Variants in CAMTA1 observed in about 807,000 individuals in gnomAD.
The protein encoded by CAMTA1 is calmodulin-binding transcription activator 1.
CAMTA1 carries 27 observed loss-of-function variants against 170.9 expected under a neutral mutation model. The ratio of observed to expected loss-of-function variants is 0.16; its 90% CI spans 0.12 to 0.22. The LOEUF is 0.22. Ranked by LOEUF, CAMTA1 falls within the 10% of genes least tolerant of loss-of-function variation. CAMTA1 has a pLI of 1.00. For missense variants in CAMTA1, 1,619 were observed against 2,217.2 expected (o/e 0.73, Z 5.42); for synonymous variants, 833 against 891.5 (o/e 0.93, Z 1.17).
chr1:7,258,676 G>A (rs372222257), intron 5 of CAMTA1, among the ~76,000 whole-genome samples: 116 of 152,302 alleles, frequency 7.6e-4, no homozygotes, highest in African/African-American at 2.6e-3. Context: ...TTTGCCTTGG[G>A]TGAAGAGTAG....
chr1:7,396,590 G>A (rs183896074), intron 5 of CAMTA1, among the ~76,000 whole-genome samples: 2 of 152,254 alleles, frequency 1.3e-5, no homozygotes, highest in East Asian at 1.9e-4. Flanking sequence ...TAGAAGAAAA[G>A]CATTTAATTT....
At chr1:7,038,161 G>A (rs1703914878) in intron 3 of CAMTA1, among the ~76,000 whole-genome samples, 1 of 152,052 alleles carries the variant, frequency 6.6e-6, no homozygotes, top group Non-Finnish European at 1.5e-5. Context: ...GGGTGTTGCT[G>A]TTATTATTAT....
chr1:7,710,649 G>C (rs1294122763), intron 11 of CAMTA1, among the ~76,000 whole-genome samples: 3 of 147,828 alleles, frequency 2.0e-5, no homozygotes, highest in African/African-American at 7.5e-5. Flanking sequence ...AGGAAGTCCA[G>C]AATTAGTGTT....
At chr1:6,857,857 C>A (rs1371924921) in intron 3 of CAMTA1, among the ~76,000 whole-genome samples, 1 of 152,050 alleles carries the variant, frequency 6.6e-6, no homozygotes, top group Non-Finnish European at 1.5e-5. Flanking sequence ...ATGGGGAGAT[C>A]TAGGGATGTT....
At chr1:7,613,206 A>G (rs2095535253) in intron 6 of CAMTA1, among the ~76,000 whole-genome samples, 1 of 152,226 alleles carries the variant, frequency 6.6e-6, no homozygotes, top group Non-Finnish European at 1.5e-5. Context: ...TTGGCCACAC[A>G]GTTGGCAAGT....
chr1:7,638,147 C>G (rs2095729573), intron 6 of CAMTA1, among the ~76,000 whole-genome samples: 1 of 152,178 alleles, frequency 6.6e-6, no homozygotes, highest in Admixed American at 6.5e-5. Context: ...CAGTTGCAGA[C>G]CCAGCTCTCT....
chr1:6,873,900 A>G (rs901578725), intron 3 of CAMTA1, among the ~76,000 whole-genome samples: 2 of 152,336 alleles, frequency 1.3e-5, no homozygotes, highest in East Asian at 1.9e-4. Flanking sequence ...TGGACTAGCA[A>G]AGTCTCTGGA....
intron 3 of CAMTA1, among the ~76,000 whole-genome samples, chr1:6,909,574 G>T (rs1402291930): frequency 6.6e-6 from 1 of 152,218 alleles, no homozygotes; most frequent in African/African-American, 2.4e-5. Context: ...CCTCACAGGG[G>T]TTTGGCTGTA....
chr1:7,563,666 A>G (rs1370427119), intron 6 of CAMTA1, among the ~76,000 whole-genome samples: 1 of 152,230 alleles, frequency 6.6e-6, no homozygotes, highest in African/African-American at 2.4e-5. Context: ...GAGTGGTATC[A>G]GTGCTTCTGC....
chr1:7,043,376 T>TGA (rs5772261), intron 3 of CAMTA1, among the ~76,000 whole-genome samples: 82,870 of 152,028 alleles, frequency 0.55, 22,867 homozygotes, highest in African/African-American at 0.59. Flanking sequence ...TCTCTGTGTG[T>TGA]GTGTGTGTGC....
intron 4 of CAMTA1, among the ~76,000 whole-genome samples, chr1:7,184,129 C>T (rs556445937): frequency 5.9e-5 from 9 of 152,086 alleles, no homozygotes; most frequent in East Asian, 3.9e-4. Context: ...AAGCCCGGCA[C>T]GGAAAGACAA....
intron 3 of CAMTA1, among the ~76,000 whole-genome samples, chr1:6,876,000 A>AT (rs1669720548): frequency 6.6e-6 from 1 of 152,184 alleles, no homozygotes; most frequent in Non-Finnish European, 1.5e-5. Context: ...TCAGCCAACA[A>AT]TTGTTAGTAC....
chr1:7,616,979 C>T (rs1239477843), intron 6 of CAMTA1, among the ~76,000 whole-genome samples: 1 of 152,212 alleles, frequency 6.6e-6, no homozygotes, highest in Non-Finnish European at 1.5e-5. Context: ...GCACAGGTGT[C>T]ACCCGCAGGG....
intron 3 of CAMTA1, among the ~76,000 whole-genome samples, chr1:6,830,858 G>A (rs1008967864): frequency 1.7e-4 from 25 of 151,080 alleles, no homozygotes; most frequent in African/African-American, 6.1e-4. Flanking sequence ...TCACTCTGTC[G>A]CCCAGGCTGG....
intron 4 of CAMTA1, among the ~76,000 whole-genome samples, chr1:7,098,270 G>T (rs1401575006): frequency 2.0e-5 from 3 of 152,274 alleles, no homozygotes; most frequent in African/African-American, 4.8e-5. Flanking sequence ...GTCAGCAGTG[G>T]TTTCCACGTG....
chr1:6,886,443 A>G (rs2149106955), intron 3 of CAMTA1: 2 of 370,758 alleles, frequency 5.4e-6, no homozygotes, highest in East Asian at 1.4e-4. Context: ...GAAATAGGCC[A>G]TAAATGTCAC....
At position 7,300,602 on chromosome 1, in the gene CAMTA1, G is replaced by A. The variant is rs950064984; in HGVS notation, c.438+50976G>A. On this transcript the variant is annotated intron_variant, in intron 5 of 22. Coordinates refer to ENST00000303635, the MANE Select transcript of CAMTA1 (RefSeq NM_015215.4). The surrounding 1 kb of genome is among the most constrained non-coding windows in gnomAD (Gnocchi z 4.1). ...TGAGGTAGGAGAATCACTTGAACCCGGGAGGCAGAGGTTGCAGTGAGCCAA... is the reference window on the plus strand; with the variant it reads ...TGAGGTAGGAGAATCACTTGAACCCAGGAGGCAGAGGTTGCAGTGAGCCAA... Among the ~76,000 whole-genome samples the A allele has an allele frequency of 8.5e-5, 13 of 152,072 alleles. No homozygotes were observed. The highest frequency in any genetic ancestry group is 7.9e-4 in the Admixed American group (12 of 15,270).
chr1:6,999,891 T>C (rs1053958111), intron 3 of CAMTA1, among the ~76,000 whole-genome samples: 2 of 152,168 alleles, frequency 1.3e-5, no homozygotes, highest in Non-Finnish European at 2.9e-5. Flanking sequence ...TTCAGTCTGC[T>C]TTTTCCTCCC....
At chr1:7,481,801 C>CTT (rs34493010) in intron 6 of CAMTA1, among the ~76,000 whole-genome samples, 2,306 of 146,976 alleles carry the variant, frequency 0.016, 44 homozygotes, top group African/African-American at 0.044. Flanking sequence ...GCATACAGTT[C>CTT]TTTTTTTTTT....
Sources: allele counts gnomAD v4.1 joint callset (sites outside exome capture counted in the v4.1 genomes callset), GRCh38; gene constraint gnomAD v4.1.1; non-coding constraint Gnocchi (gnomAD v3.1); transcripts MANE v1.5; gene names NCBI Gene and HGNC (gene_info 2026-07-23, HGNC 2026-07-21).